The following PPIH variants were observed in gnomAD, a reference collection of about 807,000 sequenced individuals.
PPIH encodes peptidyl-prolyl cis-trans isomerase H.
A neutral mutation model predicts 27.6 loss-of-function variants in PPIH; 16 were observed. That is an observed-to-expected ratio of 0.58 (90% CI 0.39 to 0.88). The LOEUF is 0.88. PPIH is among the 40% of genes least tolerant of loss of function. The pLI is 0.00. For missense variants in PPIH, 155 were observed against 224.1 expected (o/e 0.69, Z 1.97); for synonymous variants, 63 against 76.1 (o/e 0.83, Z 0.90).
intron 1 of PPIH, 117 bp from the exon 2 acceptor site, chr1:42,658,727 A>T: frequency 7.9e-7 from 1 of 1,270,450 alleles, no homozygotes; most frequent in Non-Finnish European, 1.1e-6. Context: ...TAGACTAGGG[A>T]GGCGGAGGTG....
intron 7 of PPIH, among the ~76,000 whole-genome samples, 197 bp from the exon 8 acceptor site, chr1:42,666,350 G>A (rs1649336262): frequency 6.6e-6 from 1 of 152,156 alleles, no homozygotes; most frequent in Non-Finnish European, 1.5e-5. Context: ...GTGAGACTTT[G>A]GAGTCACTCA....
intron 5 of PPIH, among the ~76,000 whole-genome samples, chr1:42,662,820 A>AG (rs1459776819): frequency 6.6e-6 from 1 of 152,242 alleles, no homozygotes; most frequent in East Asian, 1.9e-4. Context: ...GTCTTACCTT[A>AG]GTATGTATAT....
chr1:42,678,179 A>T (rs1202860948), downstream of PPIH, among the ~76,000 whole-genome samples: 1 of 152,062 alleles, frequency 6.6e-6, no homozygotes, highest in African/African-American at 2.4e-5. Context: ...TTGTAAAGAG[A>T]TGGGGAGGAT....
chr1:42,668,327 AC>A (rs772849225), intron 9 of PPIH, among the ~76,000 whole-genome samples: 4 of 151,322 alleles, frequency 2.6e-5, no homozygotes, highest in African/African-American at 7.3e-5. Flanking sequence ...TTGCCTCCTC[AC>A]CCATTTCCAT....
chr1:42,663,447 G>A (rs1403244928), intron 5 of PPIH, among the ~76,000 whole-genome samples: 1 of 151,780 alleles, frequency 6.6e-6, no homozygotes, highest in Admixed American at 6.6e-5. Context: ...CCCAGGCTGG[G>A]GTGCAGTGGT....
chr1:42,663,207 T>A (rs1455197410), intron 5 of PPIH, among the ~76,000 whole-genome samples: 1 of 152,228 alleles, frequency 6.6e-6, no homozygotes, highest in Non-Finnish European at 1.5e-5. Context: ...TAATGACATA[T>A]TAGCTTATTT....
intron 7 of PPIH, 46 bp downstream of exon 7, chr1:42,666,113 A>G (rs752557341): frequency 1.9e-6 from 3 of 1,564,464 alleles, no homozygotes; most frequent in East Asian, 4.5e-5. Context: ...TTCACCCTGG[A>G]TGGAACCTCC....
chr1:42,675,579 T>C (rs1649841563), intron 9 of PPIH, among the ~76,000 whole-genome samples: 1 of 152,246 alleles, frequency 6.6e-6, no homozygotes, highest in Non-Finnish European at 1.5e-5. Context: ...TACATTTTCA[T>C]ACACTTTGCT....
downstream of PPIH, among the ~76,000 whole-genome samples, chr1:42,677,593 C>T (rs953996346): frequency 6.6e-6 from 1 of 152,216 alleles, no homozygotes; most frequent in Non-Finnish European, 1.5e-5. Context: ...AGAATCACTT[C>T]AGCGTGCAGA....
Position 42,667,379 on chromosome 1 carries a change from C to T in PPIH, c.494C>T (p.Pro165Leu), listed in dbSNP as rs764322174. 6 of 1,609,228 alleles carry T rather than the reference C, an allele frequency of 3.7e-6. No individual in the cohort carries two copies. The highest frequency in any genetic ancestry group is 5.1e-6 in the Non-Finnish European group (6 of 1,175,724). Residue 165 changes from proline to leucine, a missense_variant, in exon 9 of 10, where the codon CCC becomes CTC. By Grantham distance (98) the Pro-to-Leu change is moderately conservative. Transcript: ENST00000304979. ...GTTCCCACAGGCCCCAACAATAAGC[C>T]CAAGCTACCTGTGGTGATCTCGCAG... ...ENVPTGPNNK[P>L]KLPVVISQCG...
intron 5 of PPIH, 123 bp downstream of exon 5, chr1:42,661,027 TG>T: frequency 1.1e-6 from 1 of 877,122 alleles, no homozygotes. Context: ...AGGTTTGATG[TG>T]GGTGTTGGAG....
chr1:42,665,900 T>C, intron 6 of PPIH, 80 bp from the exon 7 acceptor site: 1 of 1,158,284 alleles, frequency 8.6e-7, no homozygotes, highest in Admixed American at 1.7e-5. Context: ...GGAATCAGTG[T>C]TACAAGCTCT....
At chr1:42,672,338 AG>A in intron 9 of PPIH, among the ~76,000 whole-genome samples, 1 of 152,158 alleles carries the variant, frequency 6.6e-6, no homozygotes, top group East Asian at 1.9e-4. Flanking sequence ...GCAAGTCAAT[AG>A]GGGATAAGAG....
intron 9 of PPIH, among the ~76,000 whole-genome samples, chr1:42,670,548 G>A (rs1166535780): frequency 6.6e-6 from 1 of 151,904 alleles, no homozygotes. Flanking sequence ...GTTAGCAAAA[G>A]TTATATGAAC....
At chr1:42,659,996 C>T (rs535284330) in intron 4 of PPIH, among the ~76,000 whole-genome samples, 2 of 152,214 alleles carry the variant, frequency 1.3e-5, no homozygotes, top group South Asian at 2.1e-4. Context: ...TTCTCATGGC[C>T]TCACTGTGGT....
chr1:42,665,902 A>G, intron 6 of PPIH, 78 bp from the exon 7 acceptor site: 1 of 1,177,856 alleles, frequency 8.5e-7, no homozygotes, highest in Admixed American at 1.7e-5. Context: ...AATCAGTGTT[A>G]CAAGCTCTTT....
In PPIH at chr1:42,659,263, A is replaced by G; in HGVS notation, c.155+12A>G. 3 of 1,613,952 alleles carry G rather than the reference A, an allele frequency of 1.9e-6. No homozygotes were observed. The highest frequency in any genetic ancestry group is 2.5e-6 in the Non-Finnish European group (3 of 1,179,978). On this transcript the variant is annotated intron_variant, in intron 3 of 9. Coordinates refer to ENST00000304979, the MANE Select transcript of PPIH (RefSeq NM_006347.4). ...ACCGGAGAATTCAGGTCAGTTTCAG[A>G]TGTGTTTGACTTCTTTGCCTGCTCC...
chr1:42,659,414 T>C (rs1557508773), intron 3 of PPIH, 108 bp from the exon 4 acceptor site: 2 of 1,614,196 alleles, frequency 1.2e-6, no homozygotes, highest in Non-Finnish European at 8.5e-7. Flanking sequence ...GCCTTCTTTA[T>C]GTCTGTCAAC....
chr1:42,659,591 G>C, intron 4 of PPIH, 25 bp downstream of exon 4: 1 of 1,600,960 alleles, frequency 6.2e-7, no homozygotes, highest in Non-Finnish European at 8.5e-7. Context: ...AAGCCATCCT[G>C]GAGTCTTTCA....
Sources: allele counts gnomAD v4.1 joint callset (sites outside exome capture counted in the v4.1 genomes callset), GRCh38; gene constraint gnomAD v4.1.1; transcripts MANE v1.5; gene names NCBI Gene and HGNC (gene_info 2026-07-23, HGNC 2026-07-21).